MAP3K15: variants seen among roughly 807,000 people sequenced by gnomAD.
MAP3K15 encodes the protein mitogen-activated protein kinase kinase kinase 15.
Under a neutral mutation model 99.5 loss-of-function variants are expected in MAP3K15, and 124 were observed. That is an observed-to-expected ratio of 1.25 (90% CI 1.08 to 1.45). The LOEUF is 1.45. Among genes scored for constraint, MAP3K15 ranks in the 40% most tolerant of loss-of-function variants. The pLI is 0.00. For synonymous variants in MAP3K15, 494 were observed against 439.6 expected, an observed-to-expected ratio of 1.12 and a Z score of -1.55; for missense variants, 1,242 against 1,079.7, an observed-to-expected ratio of 1.15 and a Z score of -2.11.
chrX:19,504,323 G>C (rs181407814), intron 1 of MAP3K15, among the ~76,000 whole-genome samples: 1 of 111,237 alleles, frequency 9.0e-6, no homozygotes, highest in Admixed American at 9.6e-5. Context: ...GAGAGATGGA[G>C]GAGTGCGTCA....
At chrX:19,487,029 G>C (rs1264251620) in intron 2 of MAP3K15, among the ~76,000 whole-genome samples, 1 of 105,170 alleles carries the variant, frequency 9.5e-6, no homozygotes, top group Non-Finnish European at 1.9e-5. Context: ...CAACTGTCTA[G>C]GAATGTTCAA....
intron 15 of MAP3K15, among the ~76,000 whole-genome samples, chrX:19,395,901 G>A (rs1293943863): frequency 8.9e-6 from 1 of 111,946 alleles, no homozygotes; most frequent in Non-Finnish European, 1.9e-5. Context: ...AGTCATATCA[G>A]ACAATCTGTT....
Position 19,464,383 on chromosome X carries a change from G to C in MAP3K15, c.549C>G (p.Phe183Leu). 8.4e-7 allele frequency: 1 copy of C among 1,186,210 alleles called. No homozygotes were observed. The highest frequency in any genetic ancestry group is 1.1e-6 in the Non-Finnish European group (1 of 886,207). The change falls in exon 4 of 29, where the codon TTC becomes TTG. Residue 183 changes from phenylalanine (F) to leucine (L), a missense_variant. Transcript: ENST00000338883. ...CGCACGGTGTCACGATGTATGGGAT[G>C]AAATAATAATTTCCACTGGATGCCT... ...KNTASSGNYY[F>L]IPYIVTPCAD...
chrX:19,370,876 A>G, intron 24 of MAP3K15, 83 bp downstream of exon 24: 1 of 750,539 alleles, frequency 1.3e-6, no homozygotes, highest in Non-Finnish European at 2.0e-6. Context: ...GGAAAAGAGA[A>G]AAGCAACAAC....
intron 25 of MAP3K15, among the ~76,000 whole-genome samples, chrX:19,368,760 T>C (rs188093036): frequency 9.0e-6 from 1 of 110,797 alleles, no homozygotes; most frequent in East Asian, 2.8e-4. Context: ...AGAGAAAGAA[T>C]TCACAGATGC....
intron 12 of MAP3K15, among the ~76,000 whole-genome samples, chrX:19,409,558 C>T (rs939738037): frequency 2.7e-5 from 3 of 111,629 alleles, no homozygotes; most frequent in Admixed American, 9.5e-5. Flanking sequence ...GACCCCAACC[C>T]GAGTGTTGCC....
intron 18 of MAP3K15, among the ~76,000 whole-genome samples, chrX:19,384,575 A>C (rs906847354): frequency 9.3e-6 from 1 of 107,449 alleles, no homozygotes; most frequent in Admixed American, 1.0e-4. Flanking sequence ...CCCCATCTCT[A>C]CTAAAAAAGT....
At chrX:19,505,955 G>A (rs368706995) in intron 1 of MAP3K15, among the ~76,000 whole-genome samples, 30 of 109,381 alleles carry the variant, frequency 2.7e-4, no homozygotes, top group Admixed American at 5.9e-4. Context: ...ATTTTGAGAC[G>A]GAGTTTCACT....
In MAP3K15 at chrX:19,456,928, G is replaced by A. The variant is rs899323042; in HGVS notation, c.980C>T (p.Ala327Val). 1.1e-5 allele frequency: 13 copies of A among 1,190,394 alleles called. No individual in the cohort carries two copies. Among genetic ancestry groups the A allele is most frequent in the African/African-American group, 5.3e-5 (3 of 57,032 alleles). The change falls in exon 6 of 29, where the codon GCG becomes GTG. Residue 327 changes from alanine (A) to valine (V), a missense_variant. Coordinates refer to ENST00000338883, the MANE Select transcript of MAP3K15 (RefSeq NM_001001671.4). ...TCGTTCTTACCTATTCAGTGCAAAC[G>A]CATAGTGGAATTTAATGTTATGCTG... ...ADQHNIKFHY[A>V]FALNRRNSTG...
intron 9 of MAP3K15, among the ~76,000 whole-genome samples, chrX:19,422,177 A>G (rs1326031950): frequency 9.1e-6 from 1 of 110,165 alleles, no homozygotes; most frequent in Non-Finnish European, 1.9e-5. Flanking sequence ...AAAATTGACA[A>G]ATGGGATCTA....
At chrX:19,413,725 GCCC>G (rs2147278414) in intron 10 of MAP3K15, among the ~76,000 whole-genome samples, 1 of 101,914 alleles carries the variant, frequency 9.8e-6, no homozygotes, top group East Asian at 3.1e-4. Context: ...AGAGGTGATA[GCCC>G]ATCAGTAAGG....
chrX:19,418,161 C>A (rs1301509508), intron 9 of MAP3K15, among the ~76,000 whole-genome samples: 2 of 112,151 alleles, frequency 1.8e-5, no homozygotes, highest in African/African-American at 3.2e-5. Flanking sequence ...GAACGCAGCT[C>A]CTCACCAGCA....
chrX:19,387,078 A>G (rs2063498228), intron 18 of MAP3K15, among the ~76,000 whole-genome samples: 2 of 112,258 alleles, frequency 1.8e-5, no homozygotes, highest in African/African-American at 6.5e-5. Flanking sequence ...GGACTACCCT[A>G]GTTGACCTGA....
At chrX:19,463,922 C>T (rs1214571288) in intron 4 of MAP3K15, among the ~76,000 whole-genome samples, 2 of 110,825 alleles carry the variant, frequency 1.8e-5, no homozygotes, top group Non-Finnish European at 3.8e-5. Context: ...AAATCACTGA[C>T]AACTTCCTAT....
chrX:19,434,573 A>G (rs2063908528), intron 6 of MAP3K15, among the ~76,000 whole-genome samples: 1 of 111,166 alleles, frequency 9.0e-6, no homozygotes, highest in Non-Finnish European at 1.9e-5. Flanking sequence ...TCCTGAGGAC[A>G]TGCACCTCAA....
chrX:19,487,386 T>C (rs1569240923), intron 2 of MAP3K15, among the ~76,000 whole-genome samples: 1 of 111,545 alleles, frequency 9.0e-6, no homozygotes, highest in Non-Finnish European at 1.9e-5. Context: ...GAAAAAAAAA[T>C]TCTAATTTCA....
intron 1 of MAP3K15, among the ~76,000 whole-genome samples, chrX:19,513,838 A>AG (rs997690621): frequency 1.8e-5 from 2 of 111,024 alleles, no homozygotes; most frequent in Admixed American, 9.6e-5. Flanking sequence ...AGGTGCTGTA[A>AG]GGGAAAAAAC....
intron 11 of MAP3K15, among the ~76,000 whole-genome samples, chrX:19,411,479 T>G (rs1366972532): frequency 2.7e-5 from 3 of 112,767 alleles, no homozygotes; most frequent in African/African-American, 9.7e-5. Flanking sequence ...ACAAAGTTCC[T>G]GCCCTCATGG....
intron 3 of MAP3K15, among the ~76,000 whole-genome samples, chrX:19,469,643 T>G (rs1174500663): frequency 1.8e-5 from 2 of 110,756 alleles, no homozygotes; most frequent in Admixed American, 9.6e-5. Context: ...ATTTTTGCAA[T>G]CTACTCATCT....
Sources: gnomAD v4.1 joint callset for allele counts (sites outside exome capture counted in the v4.1 genomes callset) on GRCh38, gnomAD v4.1.1 for gene constraint, MANE v1.5 for transcripts, NCBI Gene and HGNC (gene_info 2026-07-23, HGNC 2026-07-21) for gene names.